Variants in LRRC4C observed in about 807,000 individuals in gnomAD.
LRRC4C encodes leucine-rich repeat-containing protein 4C.
LRRC4C carries 5 observed loss-of-function variants against 33.6 expected under a neutral mutation model. The observed-to-expected ratio is 0.15, with a 90% CI of 0.08 to 0.31. The LOEUF is 0.31. Among genes scored for constraint, LRRC4C ranks in the 10% least tolerant of loss-of-function variants. The probability of loss-of-function intolerance (pLI) is 1.00; values close to 1 mark genes in which losing one functional copy is unlikely to be tolerated. For missense variants in LRRC4C, 560 were observed against 796.7 expected (o/e 0.70, Z 3.58); for synonymous variants, 329 against 302.0 (o/e 1.09, Z -0.93).
intron 1 of LRRC4C, among the ~76,000 whole-genome samples, chr11:40,984,275 G>A (rs1275184888): frequency 7.3e-6 from 1 of 136,722 alleles, no homozygotes; most frequent in African/African-American, 2.8e-5. Context: ...AAAGAAAGAA[G>A]GAAGGGAGAG....
At chr11:40,377,259 G>C (rs1185159271) in intron 3 of LRRC4C, among the ~76,000 whole-genome samples, 4 of 152,034 alleles carry the variant, frequency 2.6e-5, no homozygotes, top group Non-Finnish European at 5.9e-5. Flanking sequence ...ACTCTTGTCT[G>C]ATATTTCTCC....
At chr11:40,841,641 C>A (rs1268203147) in intron 2 of LRRC4C, among the ~76,000 whole-genome samples, 1 of 152,192 alleles carries the variant, frequency 6.6e-6, no homozygotes, top group Non-Finnish European at 1.5e-5. Flanking sequence ...TTATGGACTT[C>A]CAGCCTCCAG....
chr11:41,366,850 A>G (rs1952563779), intron 1 of LRRC4C, among the ~76,000 whole-genome samples: 1 of 152,174 alleles, frequency 6.6e-6, no homozygotes, highest in African/African-American at 2.4e-5. Flanking sequence ...AGTCTCCAGA[A>G]TTGTGAGAAA....
chr11:41,103,628 T>C (rs756535777), intron 1 of LRRC4C, among the ~76,000 whole-genome samples: 5 of 151,936 alleles, frequency 3.3e-5, no homozygotes, highest in Non-Finnish European at 2.9e-5. Flanking sequence ...TGGCTTTCCA[T>C]TGCCCAAGGG....
chr11:40,677,741 C>T (rs536073048), intron 2 of LRRC4C, among the ~76,000 whole-genome samples: 13 of 152,168 alleles, frequency 8.5e-5, no homozygotes, highest in Non-Finnish European at 1.5e-4. Flanking sequence ...TCAGCCTTCA[C>T]GTGGTGAAAT....
At chr11:40,431,500 TTTTCC>T in intron 3 of LRRC4C, among the ~76,000 whole-genome samples, 1 of 152,040 alleles carries the variant, frequency 6.6e-6, no homozygotes. Flanking sequence ...AGTATAGCGT[TTTTCC>T]TTTCATTCTT....
At chr11:40,450,905 A>T (rs1185931302) in intron 3 of LRRC4C, among the ~76,000 whole-genome samples, 2 of 152,034 alleles carry the variant, frequency 1.3e-5, no homozygotes, top group Non-Finnish European at 2.9e-5. Context: ...ATACACTTCT[A>T]CGGAACTAAT....
intron 3 of LRRC4C, among the ~76,000 whole-genome samples, chr11:40,342,300 T>A (rs1189680994): frequency 1.3e-5 from 2 of 152,058 alleles, no homozygotes; most frequent in African/African-American, 4.8e-5. Flanking sequence ...GAAACCCATT[T>A]CTACTAAAAA....
At chr11:40,639,916 C>A (rs191968127) in intron 3 of LRRC4C, among the ~76,000 whole-genome samples, 3 of 150,338 alleles carry the variant, frequency 2.0e-5, no homozygotes, top group Admixed American at 2.0e-4. Flanking sequence ...GGATTGGAGC[C>A]TTCACATAGA....
At chr11:41,258,108 G>A (rs574843794) in intron 1 of LRRC4C, among the ~76,000 whole-genome samples, 1 of 152,052 alleles carries the variant, frequency 6.6e-6, no homozygotes, top group Admixed American at 6.6e-5. Context: ...AGAGGAACCC[G>A]ATTTCAACAC....
intron 3 of LRRC4C, among the ~76,000 whole-genome samples, chr11:40,490,787 C>T (rs898370335): frequency 1.3e-5 from 2 of 152,134 alleles, no homozygotes; most frequent in African/African-American, 4.8e-5. Flanking sequence ...ATTGCATTAA[C>T]TTCTCAGGAT....
intron 1 of LRRC4C, among the ~76,000 whole-genome samples, chr11:40,939,090 G>T (rs149547175): frequency 6.6e-6 from 1 of 152,260 alleles, no homozygotes; most frequent in African/African-American, 2.4e-5. Flanking sequence ...TGATACATAT[G>T]TCCATGTACA....
chr11:40,148,592 G>C (rs537932969), intron 5 of LRRC4C, among the ~76,000 whole-genome samples: 7 of 152,302 alleles, frequency 4.6e-5, no homozygotes, highest in African/African-American at 1.7e-4. Flanking sequence ...ACCTTTGTCA[G>C]ATGCATAGTT....
intron 1 of LRRC4C, among the ~76,000 whole-genome samples, chr11:40,935,312 G>A (rs932757870): frequency 2.6e-5 from 4 of 152,160 alleles, no homozygotes; most frequent in African/African-American, 7.2e-5. Context: ...TTCCTCAACT[G>A]TGAGATGCAG....
chr11:40,629,195 T>A (rs1963244774), intron 3 of LRRC4C, among the ~76,000 whole-genome samples: 1 of 152,198 alleles, frequency 6.6e-6, no homozygotes, highest in Non-Finnish European at 1.5e-5. Context: ...TTGTTGATAC[T>A]AATATTCAAT....
At chr11:40,839,979 C>T (rs1355571045) in intron 2 of LRRC4C, among the ~76,000 whole-genome samples, 3 of 152,188 alleles carry the variant, frequency 2.0e-5, no homozygotes, top group Middle Eastern at 3.4e-3. Flanking sequence ...TACTATAATT[C>T]ATTTTTTCCC....
chr11:40,987,481 C>A (rs1039214702), intron 1 of LRRC4C, among the ~76,000 whole-genome samples: 2 of 151,442 alleles, frequency 1.3e-5, no homozygotes, highest in African/African-American at 4.9e-5. Context: ...TTCAGAAAAA[C>A]GTGCTTTTTA....
chr11:41,118,238 A>T (rs913557715), intron 1 of LRRC4C, among the ~76,000 whole-genome samples: 3 of 152,168 alleles, frequency 2.0e-5, no homozygotes, highest in African/African-American at 7.2e-5. Flanking sequence ...GATTATGCAC[A>T]TTCGCTGCAT....
At chr11:40,365,109 G>GAAA (rs200733412) in intron 3 of LRRC4C, among the ~76,000 whole-genome samples, 132 of 136,684 alleles carry the variant, frequency 9.7e-4, no homozygotes, top group African/African-American at 3.2e-3. Context: ...GATCCACAAA[G>GAAA]AAAAAAAAAA....
Sources: allele counts gnomAD v4.1 joint callset (sites outside exome capture counted in the v4.1 genomes callset), GRCh38; gene constraint gnomAD v4.1.1; transcripts MANE v1.5; gene names NCBI Gene and HGNC (gene_info 2026-07-23, HGNC 2026-07-21).